Variants in COL5A1 observed in about 807,000 individuals in gnomAD.
COL5A1 encodes the protein collagen alpha-1(V) chain.
In COL5A1, 16 loss-of-function variants were observed where a neutral mutation model predicts 263.7. The observed-to-expected ratio is 0.06, with a 90% confidence interval of 0.04 to 0.09. COL5A1 has a LOEUF of 0.09. Among genes scored for constraint, COL5A1 ranks in the 10% least tolerant of loss-of-function variants. COL5A1 has a pLI of 1.00. For missense variants in COL5A1, 2,036 were observed against 2,540.5 expected (o/e 0.80, Z 4.27); for synonymous variants, 1,012 against 1,004.5 (o/e 1.01, Z -0.14).
chr9:134,838,589 GC>G (rs1355543213), intron 65 of COL5A1, among the ~76,000 whole-genome samples: 1 of 152,110 alleles, frequency 6.6e-6, no homozygotes, highest in Admixed American at 6.5e-5. Flanking sequence ...TCACTCTCTC[GC>G]CCCCTTCCCC....
intron 19 of COL5A1, among the ~76,000 whole-genome samples, chr9:134,762,412 A>T (rs80121795): frequency 0.015 from 2,213 of 152,332 alleles, 53 homozygotes; most frequent in African/African-American, 0.05. Flanking sequence ...GGGGGATTGG[A>T]AATAACCCTC....
chr9:134,823,930 AGTGT>A (rs201354796), intron 61 of COL5A1, among the ~76,000 whole-genome samples: 1 of 151,832 alleles, frequency 6.6e-6, no homozygotes, highest in Non-Finnish European at 1.5e-5. Flanking sequence ...GTGCATGTGT[AGTGT>A]GTGTATATTG....
intron 3 of COL5A1, 152 bp from the exon 4 acceptor site, chr9:134,701,019 C>T: frequency 1.3e-6 from 1 of 786,366 alleles, no homozygotes; most frequent in Non-Finnish European, 2.2e-6. Flanking sequence ...CCTAACTTGT[C>T]TGATTCCAGA....
intron 44 of COL5A1, 37 bp downstream of exon 44, chr9:134,810,345 G>C (rs372211155): frequency 2.1e-5 from 33 of 1,605,578 alleles, no homozygotes; most frequent in Non-Finnish European, 2.7e-5. Context: ...CAGCCCCCAG[G>C]TCCCGGGGGG....
intron 62 of COL5A1, among the ~76,000 whole-genome samples, chr9:134,825,288 C>A (rs533573631): frequency 6.6e-6 from 1 of 152,156 alleles, no homozygotes; most frequent in Non-Finnish European, 1.5e-5. Flanking sequence ...GGGCAAACGG[C>A]CTTCAAACTC....
In COL5A1 at chr9:134,757,824, C is replaced by G. The variant is rs1403470347; in HGVS notation, c.1882-419C>G. Among the ~76,000 whole-genome samples the G allele has an allele frequency of 6.6e-6, 1 of 152,158 alleles. No individual in the cohort carries two copies. Among genetic ancestry groups the G allele is most frequent in the Admixed American group, 6.5e-5 (1 of 15,280 alleles). On this transcript the variant is annotated intron_variant, in intron 17 of 65. Coordinates refer to ENST00000371817, the MANE Select transcript of COL5A1 (RefSeq NM_000093.5). The surrounding 1 kb of genome is among the most constrained non-coding windows in gnomAD (Gnocchi z 6.2). ...CCCGTCCACCAATGGGTACGCGTACCTCCTGAGCGCGGGCAGCCCCTCGGC... is the reference window on the plus strand; with the variant it reads ...CCCGTCCACCAATGGGTACGCGTACGTCCTGAGCGCGGGCAGCCCCTCGGC...
chr9:134,739,605 T>C (rs1835227968), intron 11 of COL5A1, among the ~76,000 whole-genome samples: 1 of 152,128 alleles, frequency 6.6e-6, no homozygotes. Flanking sequence ...CAGAGCGCAG[T>C]GGCTAGGGAT....
Position 134,825,899 on chromosome 9 carries a change from G to A in COL5A1, c.5062G>A (p.Glu1688Lys), listed in dbSNP as rs745821520. The A allele has an allele frequency of 8.1e-6, 13 of 1,609,396 alleles. No homozygotes were observed. Among genetic ancestry groups the A allele is most frequent in the East Asian group, 4.5e-5 (2 of 44,792 alleles). Residue 1688 changes from glutamate to lysine, a missense_variant, in exon 63 of 66, where the codon GAA becomes AAA. Coordinates refer to ENST00000371817, the MANE Select transcript of COL5A1 (RefSeq NM_000093.5). ...ATGCGTCTTCCCTGACAAGAAGTCC[G>A]AAGGGGTGAGTAGCTGTGTCCCTCC... ...STCVFPDKKS[E>K]GARITSWPKE...
intron 9 of COL5A1, among the ~76,000 whole-genome samples, chr9:134,733,741 C>T (rs1267242302): frequency 2.0e-5 from 3 of 152,228 alleles, no homozygotes; most frequent in Admixed American, 2.0e-4. Flanking sequence ...TCTGCTCTGC[C>T]CAAGGGTGTT....
Position 134,756,227 on chromosome 9 carries a change from C to T in COL5A1, c.1828-538C>T, listed in dbSNP as rs1002705313. ...CATCAGGAACAGGGCATCTGCTCACCGTGCAGATGCTGCCTCCCGTCGCTG... is the reference window on the plus strand; with the variant it reads ...CATCAGGAACAGGGCATCTGCTCACTGTGCAGATGCTGCCTCCCGTCGCTG... On this transcript the variant is annotated intron_variant, in intron 16 of 65. Coordinates refer to ENST00000371817, the MANE Select transcript of COL5A1 (RefSeq NM_000093.5). Among the ~76,000 whole-genome samples the T allele has an allele frequency of 5.3e-5, 8 of 152,198 alleles. No individual in the cohort carries two copies. In the South Asian group the frequency reaches 6.2e-4, roughly 12 times the overall value.
intron 8 of COL5A1, 69 bp downstream of exon 8, chr9:134,731,732 C>G: frequency 1.3e-6 from 2 of 1,517,492 alleles, no homozygotes; most frequent in Non-Finnish European, 1.8e-6. Flanking sequence ...GGGCTCCTGC[C>G]CAAGAGCCTC....
intron 4 of COL5A1, among the ~76,000 whole-genome samples, chr9:134,720,782 T>G (rs1834422437): frequency 6.6e-6 from 1 of 152,104 alleles, no homozygotes; most frequent in Non-Finnish European, 1.5e-5. Context: ...GCTGGACGTC[T>G]CCACATGCTG....
At chr9:134,814,719 A>G (rs1838672400) in intron 49 of COL5A1, 78 bp from the exon 50 acceptor site, 1 of 1,108,968 alleles carries the variant, frequency 9.0e-7, no homozygotes, top group Non-Finnish European at 1.3e-6. Context: ...ATGGGGTGAG[A>G]AAACCGGGGA....
At chr9:134,798,213 C>T (rs373406693) in intron 36 of COL5A1, among the ~76,000 whole-genome samples, 195 bp from the exon 37 acceptor site, 17 of 152,308 alleles carry the variant, frequency 1.1e-4, no homozygotes, top group South Asian at 8.3e-4. Flanking sequence ...GGATTTTGTA[C>T]GAGGACAGGC....
In COL5A1 at chr9:134,686,647, C is replaced by T. The variant is rs1588437298; in HGVS notation, c.110-4265C>T. Among the ~76,000 whole-genome samples the T allele has an allele frequency of 6.6e-6, 1 of 152,246 alleles. No individual in the cohort carries two copies. Among genetic ancestry groups the T allele is most frequent in the Non-Finnish European group, 1.5e-5 (1 of 68,026 alleles). ...CTGGGGACCTGATGCCTGGTTATATCCTCATGAAAATGGGCCTCTGGGATG... is the reference window on the plus strand; with the variant it reads ...CTGGGGACCTGATGCCTGGTTATATTCTCATGAAAATGGGCCTCTGGGATG... On this transcript the variant is annotated intron_variant, in intron 1 of 65. Coordinates refer to ENST00000371817, the MANE Select transcript of COL5A1 (RefSeq NM_000093.5). The surrounding 1 kb of genome is among the most constrained non-coding windows in gnomAD (Gnocchi z 4.6).
rs746510456 is a variant in COL5A1 at position 134,750,574 on chromosome 9, C to T, written c.1527C>T (p.Ala509=). The T allele has an allele frequency of 2.0e-5, 32 of 1,613,438 alleles. No individual in the cohort carries two copies. The highest frequency in any genetic ancestry group is 1.2e-4 in the Admixed American group (7 of 60,008). The stretch of plus-strand genomic sequence containing the variant: ...CTGGACGCCCAGGCCTTCCTGGGGC[C>T]GATGGCCTGCCCGGTCCTCCAGGAA... ...GPPGRPGLPG[A]DGLPGPPGTM... Residue 509 remains alanine, a synonymous_variant, in exon 12 of 66, where the codon GCC becomes GCT. Coordinates refer to ENST00000371817, the MANE Select transcript of COL5A1 (RefSeq NM_000093.5).
At chr9:134,762,783 CT>C (rs1340947791) in intron 19 of COL5A1, among the ~76,000 whole-genome samples, 4 of 152,164 alleles carry the variant, frequency 2.6e-5, no homozygotes, top group African/African-American at 9.7e-5. Context: ...GCACCTGCTC[CT>C]GTGTGGGCCT....
intron 2 of COL5A1, 150 bp downstream of exon 2, chr9:134,691,229 T>C: frequency 1.0e-6 from 1 of 989,776 alleles, no homozygotes; most frequent in African/African-American, 1.6e-5. Context: ...TTCACTGTAG[T>C]GAAAAGGCAG....
Position 134,763,674 on chromosome 9 carries a change from C to A in COL5A1, c.1990-19C>A, listed in dbSNP as rs1346675548. On this transcript the variant is annotated intron_variant, in intron 19 of 65. Transcript: ENST00000371817. ...CTAACAGCTCATTTCTCTAACCTTGCCTTTTTTCTCCTCTGCAGGGTGACG... is the reference window on the plus strand; with the variant it reads ...CTAACAGCTCATTTCTCTAACCTTGACTTTTTTCTCCTCTGCAGGGTGACG... 6.2e-7 allele frequency: 1 copy of A among 1,613,172 alleles called. No individual in the cohort carries two copies. The highest frequency in any genetic ancestry group is 1.7e-5 in the Admixed American group (1 of 60,004).
Sources: gnomAD v4.1 joint callset for allele counts (sites outside exome capture counted in the v4.1 genomes callset) on GRCh38, gnomAD v4.1.1 for gene constraint, Gnocchi (gnomAD v3.1) non-coding constraint, MANE v1.5 for transcripts, NCBI Gene and HGNC (gene_info 2026-07-23, HGNC 2026-07-21) for gene names.